The following APC variants were observed in gnomAD, a reference collection of about 807,000 sequenced individuals.
The protein encoded by APC is APC regulator of Wnt signaling pathway.
Under a neutral mutation model 247.0 loss-of-function variants are expected in APC, and 72 were observed. That is an observed-to-expected ratio of 0.29 (90% CI 0.24 to 0.35). APC has a LOEUF of 0.35. APC is among the 10% of genes least tolerant of loss of function. APC has a pLI of 1.00. For synonymous variants in APC, 1,254 were observed against 1,162.5 expected (o/e 1.08, Z -1.60); for missense variants, 3,400 against 3,360.7 (o/e 1.01, Z -0.29).
chr5:112,838,492 T>A lies in APC; in HGVS notation c.2898T>A (p.Ser966Arg), dbSNP rs876660579. The A allele has an allele frequency of 1.2e-6, 2 of 1,614,062 alleles. No homozygotes were observed. The highest frequency in any genetic ancestry group is 1.7e-6 in the Non-Finnish European group (2 of 1,180,038). Residue 966 changes from serine to arginine, a missense_variant, in exon 16 of 16, where the codon AGT becomes AGA. By Grantham distance (110) the Ser-to-Arg change is moderately radical. Coordinates refer to ENST00000257430, the MANE Select transcript of APC (RefSeq NM_000038.6). Reference sequence around the variant, plus strand: ...GATCTTCAAATGATAGTTTAAATAGTGTCAGTAGTAGTGATGGTTATGGTA... The same window carrying A: ...GATCTTCAAATGATAGTTTAAATAGAGTCAGTAGTAGTGATGGTTATGGTA... ...YKRSSNDSLN[S>R]VSSSDGYGKR...
intron 5 of APC, among the ~76,000 whole-genome samples, chr5:112,779,823 G>A (rs1388951197): frequency 6.6e-6 from 1 of 152,190 alleles, no homozygotes; most frequent in Non-Finnish European, 1.5e-5. Flanking sequence ...GCATATGAAT[G>A]TCATCTGTAT....
chr5:112,730,670 T>C (rs1382780348), intron 1 of APC, among the ~76,000 whole-genome samples: 2 of 152,200 alleles, frequency 1.3e-5, no homozygotes, highest in African/African-American at 2.4e-5. Flanking sequence ...CCTAGCAATC[T>C]TGAATTAATT....
At chr5:112,751,229 C>T (rs987610510) in intron 1 of APC, among the ~76,000 whole-genome samples, 41 of 150,482 alleles carry the variant, frequency 2.7e-4, no homozygotes, top group African/African-American at 9.5e-4. Flanking sequence ...AACAAAAAAA[C>T]TAATCTATTG....
rs1172624671 is a variant in APC, at chr5:112,843,211, TC to T, written c.7619del (p.Pro2540GlnfsTer22). The T allele has an allele frequency of 6.2e-7, 1 of 1,613,666 alleles. No individual in the cohort carries two copies. The highest frequency in any genetic ancestry group is 1.3e-5 in the African/African-American group (1 of 74,898). ...CTCATTCTGAAAGTCCTTCTAGACT[TC>T]CAATCAATAGGTCAGGAACCTGGAA... ...RSHSESPSRL[P>X]INRSGTWKRE... On this transcript the variant is annotated frameshift_variant, in exon 16 of 16. Coordinates refer to ENST00000257430, the MANE Select transcript of APC (RefSeq NM_000038.6). LOFTEE classifies it high-confidence loss of function. The surrounding 1 kb of genome is among the most constrained non-coding windows in gnomAD (Gnocchi z 4.8).
chr5:112,842,278 G>C lies in APC; in HGVS notation c.6684G>C (p.Arg2228Ser), dbSNP rs752314977. Residue 2228 changes from arginine to serine, a missense_variant, in exon 16 of 16, where the codon AGG (arginine) becomes AGC (serine). By Grantham distance (110) the Arg-to-Ser change is moderately radical. Coordinates refer to ENST00000257430, the MANE Select transcript of APC (RefSeq NM_000038.6). Reference protein sequence around the residue: ...QANMPSISRGRTMIHIPGVRN... With the variant: ...QANMPSISRGSTMIHIPGVRN... ...ACATGCCTTCAATCTCTCGAGGCAG[G>C]ACAATGATTCATATTCCAGGAGTTC... The C allele has an allele frequency of 6.2e-7, 1 of 1,614,002 alleles. No homozygotes were observed.
chr5:112,722,578 G>C (rs1751544260), intron 1 of APC, among the ~76,000 whole-genome samples: 1 of 151,730 alleles, frequency 6.6e-6, no homozygotes, highest in South Asian at 2.1e-4. Context: ...CCAGTCCCAA[G>C]TCCTAGCCTC....
chr5:112,721,977 G>A (rs1036368842), intron 1 of APC, among the ~76,000 whole-genome samples: 1 of 152,060 alleles, frequency 6.6e-6, no homozygotes, highest in African/African-American at 2.4e-5. Context: ...GCAGCCCTGG[G>A]GACAAATTTG....
In APC at chr5:112,845,203, T is replaced by C. The variant is rs1580697809; in HGVS notation, c.*1077T>C. On this transcript the variant is annotated 3_prime_UTR_variant, in exon 16 of 16. Transcript: ENST00000257430. ...TATTCCTGAAATTTCTTTTATGTGATTAGCTCATCTTGATTTTTAATATTT... is the reference window on the plus strand; with the variant it reads ...TATTCCTGAAATTTCTTTTATGTGACTAGCTCATCTTGATTTTTAATATTT... 4.3e-6 allele frequency: 1 copy of C among 232,760 alleles called. No individual in the cohort carries two copies. The highest frequency in any genetic ancestry group is 8.5e-6 in the Non-Finnish European group (1 of 117,474). 14.4% of individuals were successfully genotyped at this position (232,760 alleles called of 1,614,324 possible).
At chr5:112,781,052 CT>C (rs2149642100) in intron 6 of APC, 149 bp downstream of exon 6, 1 of 679,766 alleles carries the variant, frequency 1.5e-6, no homozygotes, top group Admixed American at 2.1e-5. Flanking sequence ...ATCATGGCTG[CT>C]GAGCAACATA....
intron 1 of APC, among the ~76,000 whole-genome samples, chr5:112,714,342 A>G (rs1751033945): frequency 6.6e-6 from 1 of 152,270 alleles, no homozygotes; most frequent in Non-Finnish European, 1.5e-5. Flanking sequence ...CTGCACATGT[A>G]TACACTGAAG....
chr5:112,818,478 T>C (rs1762737366), intron 9 of APC, among the ~76,000 whole-genome samples: 1 of 152,222 alleles, frequency 6.6e-6, no homozygotes, highest in South Asian at 2.1e-4. Flanking sequence ...CGAGAATTAA[T>C]GATTGCTGAG....
intron 4 of APC, among the ~76,000 whole-genome samples, chr5:112,775,120 T>C (rs1468462090): frequency 2.0e-5 from 3 of 152,178 alleles, no homozygotes; most frequent in Non-Finnish European, 4.4e-5. Flanking sequence ...AAGAAGTTTT[T>C]CTCCGTCATA....
intron 5 of APC, among the ~76,000 whole-genome samples, chr5:112,779,819 G>A (rs372828896): frequency 6.6e-6 from 1 of 152,184 alleles, no homozygotes; most frequent in East Asian, 1.9e-4. Flanking sequence ...TTCTGCATAT[G>A]AATGTCATCT....
intron 8 of APC, among the ~76,000 whole-genome samples, chr5:112,811,981 A>T (rs1245221600): frequency 6.6e-6 from 1 of 152,156 alleles, no homozygotes; most frequent in Non-Finnish European, 1.5e-5. Context: ...TCAGATCCTC[A>T]TTGGATGTCA....
At position 112,805,602 on chromosome 5, in the gene APC, T is replaced by C. The variant is rs115680179; in HGVS notation, c.834+4219T>C. Among the ~76,000 whole-genome samples the C allele has an allele frequency of 8.2e-3, 1,250 of 152,350 alleles. 18 individuals carry two copies. Among genetic ancestry groups the C allele is most frequent in the African/African-American group, 0.029 (1,187 of 41,576 alleles). ...CAGATCCTGATGTAGATGTGTGACC[T>C]GTATCTGTGGGACTGTGATTTGTTA... On this transcript the variant is annotated intron_variant, in intron 8 of 15. Coordinates refer to ENST00000257430, the MANE Select transcript of APC (RefSeq NM_000038.6).
Position 112,818,988 on chromosome 5 carries a change from T to C in APC, c.956T>C (p.Leu319Ser). Residue 319 changes from leucine to serine, a missense_variant, in exon 10 of 16, where the codon TTG becomes TCG. Around this residue, in one of 9 missense-constraint regions of APC, gnomAD observed 8 missense variants for 24.3 expected, o/e 0.33. Transcript: ENST00000257430. ...GTKVEMVYSL[L>S]SMLGTHDKDD... is the part of the protein sequence containing the mutation. ...CAGGTGGAAATGGTGTATTCATTGT[T>C]GTCAATGCTTGGTACTCATGATAAG... 1 of 1,614,128 alleles carries C rather than the reference T, an allele frequency of 6.2e-7. No individual in the cohort carries two copies. The highest frequency in any genetic ancestry group is 1.7e-4 in the Middle Eastern group (1 of 6,058).
At chr5:112,730,741 A>C (rs534275610) in intron 1 of APC, among the ~76,000 whole-genome samples, 1 of 152,220 alleles carries the variant, frequency 6.6e-6, no homozygotes, top group African/African-American at 2.4e-5. Context: ...GCTGGTCACC[A>C]CAAAATCTGA....
At chr5:112,743,055 G>A (rs778304931) in intron 1 of APC, among the ~76,000 whole-genome samples, 4 of 152,194 alleles carry the variant, frequency 2.6e-5, no homozygotes, top group East Asian at 1.9e-4. Context: ...GTGGCTCTGC[G>A]TCTCCTCTAG....
At chr5:112,735,486 A>G (rs558382646), upstream of APC, among the ~76,000 whole-genome samples, 2 of 140,980 alleles carry the variant, frequency 1.4e-5, no homozygotes, top group South Asian at 4.7e-4. Flanking sequence ...CCCAGAAAAT[A>G]TTTTTAATGC....
Sources: gnomAD v4.1 joint callset for allele counts (sites outside exome capture counted in the v4.1 genomes callset) on GRCh38, gnomAD v4.1.1 for gene constraint, gnomAD v4.1.1 regional missense constraint, Gnocchi (gnomAD v3.1) non-coding constraint, MANE v1.5 for transcripts, NCBI Gene and HGNC (gene_info 2026-07-23, HGNC 2026-07-21) for gene names.